Variants in COMMD10 observed in about 807,000 individuals in gnomAD.
COMMD10 encodes COMM domain-containing protein 10.
COMMD10 carries 33 observed loss-of-function variants against 28.9 expected under a neutral mutation model. The observed-to-expected ratio is 1.14, with a 90% CI of 0.87 to 1.53. The LOEUF (loss-of-function observed/expected upper bound fraction) is 1.53. Ranked by LOEUF, COMMD10 falls within the 40% of genes most tolerant of loss-of-function variation. The probability of loss-of-function intolerance (pLI) is 0.00; values close to 1 mark genes in which losing one functional copy is unlikely to be tolerated. For missense variants in COMMD10, 310 were observed against 233.4 expected, an observed-to-expected ratio of 1.33 and a Z score of -2.14; for synonymous variants, 110 against 81.7, an observed-to-expected ratio of 1.35 and a Z score of -1.87.
intron 5 of COMMD10, among the ~76,000 whole-genome samples, chr5:116,167,094 G>C (rs563996156): frequency 2.0e-5 from 3 of 151,878 alleles, no homozygotes; most frequent in Non-Finnish European, 4.4e-5. Context: ...GGGAAGCTAA[G>C]AACCTTGAAA....
intron 5 of COMMD10, among the ~76,000 whole-genome samples, chr5:116,270,773 C>T (rs1750732049): frequency 1.3e-5 from 2 of 151,734 alleles, no homozygotes; most frequent in Non-Finnish European, 2.9e-5. Context: ...CCCATCTCTA[C>T]TGAATACAGA....
intron 5 of COMMD10, among the ~76,000 whole-genome samples, chr5:116,208,990 G>GT (rs777153930): frequency 1.3e-5 from 2 of 152,006 alleles, no homozygotes; most frequent in Admixed American, 6.6e-5. Context: ...TTTTACTTTT[G>GT]TTTTTTATTT....
At chr5:116,113,436 CATAAGTTCA>C in intron 4 of COMMD10, among the ~76,000 whole-genome samples, 1 of 146,954 alleles carries the variant, frequency 6.8e-6, no homozygotes, top group Non-Finnish European at 1.5e-5. Flanking sequence ...ACCAGTAATT[CATAAGTTCA>C]ATGCTGTATG....
chr5:116,224,086 G>A (rs1046902749), intron 5 of COMMD10, among the ~76,000 whole-genome samples: 2 of 152,086 alleles, frequency 1.3e-5, no homozygotes, highest in African/African-American at 2.4e-5. Flanking sequence ...TTCATTTAAC[G>A]GTGATCTTTC....
At chr5:116,161,348 T>C (rs959073867) in intron 5 of COMMD10, among the ~76,000 whole-genome samples, 3 of 152,180 alleles carry the variant, frequency 2.0e-5, no homozygotes, top group Non-Finnish European at 4.4e-5. Context: ...GGCTGTATAA[T>C]AGAAGCTGAA....
chr5:116,165,942 G>A (rs1241270423), intron 5 of COMMD10, among the ~76,000 whole-genome samples: 1 of 152,110 alleles, frequency 6.6e-6, no homozygotes, highest in Non-Finnish European at 1.5e-5. Context: ...CCCTGAGAGG[G>A]TGGTTCATCT....
chr5:116,175,331 T>C (rs1319897958), intron 5 of COMMD10, among the ~76,000 whole-genome samples: 2 of 152,040 alleles, frequency 1.3e-5, no homozygotes, highest in Non-Finnish European at 2.9e-5. Context: ...ATTGAATGAA[T>C]AGATGGTTTT....
At chr5:116,241,590 ATT>A (rs1429940062) in intron 5 of COMMD10, among the ~76,000 whole-genome samples, 2 of 126,432 alleles carry the variant, frequency 1.6e-5, no homozygotes, top group African/African-American at 3.2e-5. Flanking sequence ...TTTCTTATTT[ATT>A]TATTTATTTA....
At chr5:116,165,464 C>T (rs1366833262) in intron 5 of COMMD10, among the ~76,000 whole-genome samples, 2 of 152,274 alleles carry the variant, frequency 1.3e-5, no homozygotes, top group East Asian at 1.9e-4. Flanking sequence ...GAAAAACAGA[C>T]ATTTATTTCT....
At chr5:116,282,989 G>A (rs1339797691) in intron 5 of COMMD10, among the ~76,000 whole-genome samples, 1 of 151,894 alleles carries the variant, frequency 6.6e-6, no homozygotes, top group African/African-American at 2.4e-5. Context: ...GGTTTTGTGG[G>A]AACTAAGCAA....
intron 5 of COMMD10, among the ~76,000 whole-genome samples, chr5:116,270,182 A>G (rs7718026): frequency 6.6e-6 from 1 of 151,714 alleles, no homozygotes; most frequent in African/African-American, 2.4e-5. Context: ...AGGAGATGGG[A>G]TGAATGGCAG....
chr5:116,268,552 A>C (rs1465801594), intron 5 of COMMD10, among the ~76,000 whole-genome samples: 1 of 151,950 alleles, frequency 6.6e-6, no homozygotes. Context: ...GCGATTCCTC[A>C]AGGATCTAGA....
intron 5 of COMMD10, among the ~76,000 whole-genome samples, chr5:116,183,247 A>G (rs984687077): frequency 1.3e-5 from 2 of 152,142 alleles, no homozygotes; most frequent in Non-Finnish European, 2.9e-5. Context: ...AAATGTTAAT[A>G]TTTATAGGGG....
intron 5 of COMMD10, chr5:116,255,795 T>C (rs1750267430): frequency 6.6e-6 from 1 of 151,284 alleles, no homozygotes; most frequent in Non-Finnish European, 1.5e-5. Context: ...TGCTTACTTT[T>C]TCGGGTTGTA....
At chr5:116,260,019 C>T (rs900077495) in intron 5 of COMMD10, among the ~76,000 whole-genome samples, 2 of 151,692 alleles carry the variant, frequency 1.3e-5, no homozygotes. Context: ...AATTTTTGGT[C>T]TGCAGTGGTA....
chr5:116,092,195 T>C (rs1346510058), intron 3 of COMMD10, among the ~76,000 whole-genome samples: 1 of 152,226 alleles, frequency 6.6e-6, no homozygotes, highest in Non-Finnish European at 1.5e-5. Flanking sequence ...AACTATTGTA[T>C]ACTTATTTGA....
At chr5:116,182,819 C>T (rs1748016021) in intron 5 of COMMD10, among the ~76,000 whole-genome samples, 1 of 152,026 alleles carries the variant, frequency 6.6e-6, no homozygotes, top group Non-Finnish European at 1.5e-5. Flanking sequence ...CCCCATAATC[C>T]TCAAGGGCAG....
chr5:116,118,490 G>A (rs190278563), intron 4 of COMMD10, among the ~76,000 whole-genome samples: 7 of 129,254 alleles, frequency 5.4e-5, no homozygotes, highest in Admixed American at 8.3e-5. Context: ...CACTTTATTC[G>A]GTTTCCTTAT....
intron 4 of COMMD10, among the ~76,000 whole-genome samples, chr5:116,126,123 A>T (rs1037544566): frequency 1.3e-5 from 2 of 151,930 alleles, no homozygotes; most frequent in African/African-American, 4.9e-5. Context: ...AGGCATTCCT[A>T]TACGCCAATA....
Sources: allele counts gnomAD v4.1 joint callset (sites outside exome capture counted in the v4.1 genomes callset), GRCh38; gene constraint gnomAD v4.1.1; transcripts MANE v1.5; gene names NCBI Gene and HGNC (gene_info 2026-07-23, HGNC 2026-07-21).